MFSD6: variants seen among roughly 807,000 people sequenced by gnomAD.
The protein encoded by MFSD6 is major facilitator superfamily domain-containing protein 6.
MFSD6 carries 26 observed loss-of-function variants against 56.3 expected under a neutral mutation model. The ratio of observed to expected loss-of-function variants is 0.46; its 90% CI spans 0.34 to 0.64. The LOEUF (loss-of-function observed/expected upper bound fraction) is 0.64. Ranked by LOEUF, MFSD6 falls within the 30% of genes least tolerant of loss-of-function variation. The pLI, the probability that MFSD6 is intolerant of heterozygous loss-of-function variation, is 0.01. For synonymous variants in MFSD6, 331 were observed against 366.9 expected, an observed-to-expected ratio of 0.90 and a Z score of 1.12; for missense variants, 750 against 986.2, an observed-to-expected ratio of 0.76 and a Z score of 3.21.
rs569702241 is a variant in MFSD6, at chr2:190,492,551, T to C, written c.1891+2685T>C. Among the ~76,000 whole-genome samples the C allele has an allele frequency of 3.3e-5, 5 of 152,320 alleles. No individual in the cohort carries two copies. The East Asian group carries it at 5.8e-4, about 18-fold the overall frequency. ...AATTAAATAACCTCCTGAATTATCA[T>C]TGGGTCAACAGCAAAATCAATATGG... On this transcript the variant is annotated intron_variant, in intron 6 of 7. Transcript: ENST00000392328. The surrounding 1 kb of genome is among the most constrained non-coding windows in gnomAD (Gnocchi z 5.2).
chr2:190,490,449 G>A lies in MFSD6; in HGVS notation c.1891+583G>A, dbSNP rs547605138. Among the ~76,000 whole-genome samples the A allele has an allele frequency of 7.6e-4, 115 of 151,834 alleles. No individual in the cohort carries two copies. The highest frequency in any genetic ancestry group is 1.4e-3 in the Non-Finnish European group (98 of 67,962). ...ACGGTGGTGGGCGCCTGTAATCCCA[G>A]CTACTCAGGAGGCTGAGGCAGGAGA... On this transcript the variant is annotated intron_variant, in intron 6 of 7. Transcript: ENST00000392328. This position sits in a 1 kb window ranked among gnomAD's most constrained non-coding sequence, Gnocchi z 4.5.
At position 190,431,527 on chromosome 2, in the gene MFSD6, AC is replaced by A. The variant is rs545316073; in HGVS notation, c.-53-4446del. On this transcript the variant is annotated intron_variant, in intron 2 of 7. Transcript: ENST00000392328. This position sits in a 1 kb window ranked among gnomAD's most constrained non-coding sequence, Gnocchi z 4.4. ...AGACTAGCCCGGCCAACACAGCGAA[AC>A]CCCGTCTCCACCAAAAAAATACGAA... Among the ~76,000 whole-genome samples, 24 of 152,232 alleles carry A rather than the reference AC, an allele frequency of 1.6e-4. No homozygotes were observed. The highest frequency in any genetic ancestry group is 3.4e-3 in the Middle Eastern group (1 of 294).
At chr2:190,449,947 T>C (rs905821225) in intron 3 of MFSD6, among the ~76,000 whole-genome samples, 1 of 152,036 alleles carries the variant, frequency 6.6e-6, no homozygotes, top group African/African-American at 2.4e-5. Context: ...CACACCAGCA[T>C]GGCACATGTA....
Position 190,467,545 on chromosome 2 carries a change from G to A in MFSD6, c.1533-2213G>A, listed in dbSNP as rs1170211858. Among the ~76,000 whole-genome samples the A allele has an allele frequency of 2.6e-5, 4 of 152,056 alleles. No homozygotes were observed. The highest frequency in any genetic ancestry group is 4.4e-5 in the Non-Finnish European group (3 of 68,000). ...GGAGAATTGCTTGAACCTGGGAGGCGGAGGTTTCAGTGAGCCGAGATCGTG... is the reference window on the plus strand; with the variant it reads ...GGAGAATTGCTTGAACCTGGGAGGCAGAGGTTTCAGTGAGCCGAGATCGTG... On this transcript the variant is annotated intron_variant, in intron 3 of 7. Transcript: ENST00000392328. This position sits in a 1 kb window ranked among gnomAD's most constrained non-coding sequence, Gnocchi z 5.5.
At position 190,496,802 on chromosome 2, in the gene MFSD6, A is replaced by G. The variant is rs947568462; in HGVS notation, c.1892-637A>G. ...TGGAGACCATATTCTAAGTGAAGCAACTCAAGAATGGAAAACCAAACATCG... is the reference window on the plus strand; with the variant it reads ...TGGAGACCATATTCTAAGTGAAGCAGCTCAAGAATGGAAAACCAAACATCG... On this transcript the variant is annotated intron_variant, in intron 6 of 7. Transcript: ENST00000392328. This position sits in a 1 kb window ranked among gnomAD's most constrained non-coding sequence, Gnocchi z 4.7. Among the ~76,000 whole-genome samples, 1 of 152,220 alleles carries G rather than the reference A, an allele frequency of 6.6e-6. No homozygotes were observed. The highest frequency in any genetic ancestry group is 2.4e-5 in the African/African-American group (1 of 41,460).
chr2:190,429,243 T>C (rs1685882736), intron 2 of MFSD6, among the ~76,000 whole-genome samples: 1 of 151,830 alleles, frequency 6.6e-6, no homozygotes, highest in Admixed American at 6.6e-5. Context: ...TGTGTGTGTG[T>C]GTGTGTATAC....
chr2:190,500,227 T>G lies in MFSD6; in HGVS notation c.*9T>G. On this transcript the variant is annotated 3_prime_UTR_variant, in exon 8 of 8. Transcript: ENST00000392328. This position sits in a 1 kb window ranked among gnomAD's most constrained non-coding sequence, Gnocchi z 5.3. Reference sequence around the variant, plus strand: ...CCGCGGGAGGACACTGAGGGCATCCTGCTCATCTCACACCCTGCATGGAAT... The same window carrying G: ...CCGCGGGAGGACACTGAGGGCATCCGGCTCATCTCACACCCTGCATGGAAT... 1 of 1,613,924 alleles carries G rather than the reference T, an allele frequency of 6.2e-7. No individual in the cohort carries two copies. The highest frequency in any genetic ancestry group is 8.5e-7 in the Non-Finnish European group (1 of 1,179,932).
chr2:190,490,471 G>A lies in MFSD6; in HGVS notation c.1891+605G>A, dbSNP rs1689279113. ...CCAGCTACTCAGGAGGCTGAGGCAG[G>A]AGAATGGCGTGAACCCAGGAGGTGG... is the stretch of plus-strand genomic sequence containing the variant. On this transcript the variant is annotated intron_variant, in intron 6 of 7. Coordinates refer to ENST00000392328, the MANE Select transcript of MFSD6 (RefSeq NM_017694.4). The surrounding 1 kb of genome is among the most constrained non-coding windows in gnomAD (Gnocchi z 4.5). Among the ~76,000 whole-genome samples the A allele has an allele frequency of 6.6e-6, 1 of 151,998 alleles. No individual in the cohort carries two copies. The highest frequency in any genetic ancestry group is 1.5e-5 in the Non-Finnish European group (1 of 68,002).
chr2:190,422,346 G>A (rs796263759), intron 2 of MFSD6, among the ~76,000 whole-genome samples: 6 of 152,222 alleles, frequency 3.9e-5, no homozygotes, highest in African/African-American at 1.2e-4. Flanking sequence ...TGTCATCCCT[G>A]TATTCCTGTT....
intron 4 of MFSD6, among the ~76,000 whole-genome samples, chr2:190,472,985 T>G (rs1382335335): frequency 6.6e-6 from 1 of 152,162 alleles, no homozygotes. Flanking sequence ...CCAGCCAAAC[T>G]AAGCTTTATA....
At chr2:190,455,996 A>G (rs1345219307) in intron 3 of MFSD6, among the ~76,000 whole-genome samples, 1 of 118,858 alleles carries the variant, frequency 8.4e-6, no homozygotes, top group African/African-American at 3.2e-5. Flanking sequence ...GCTGAAGTGC[A>G]GCGGCATGAT....
At position 190,483,283 on chromosome 2, in the gene MFSD6, A is replaced by G. The variant is rs140912604; in HGVS notation, c.1631-5374A>G. 2.0e-3 allele frequency among the ~76,000 whole-genome samples: 312 copies of G among 152,278 alleles called. 1 individual carries two copies. The highest frequency in any genetic ancestry group is 7.1e-3 in the African/African-American group (296 of 41,560). On this transcript the variant is annotated intron_variant, in intron 4 of 7. Coordinates refer to ENST00000392328, the MANE Select transcript of MFSD6 (RefSeq NM_017694.4). ...TAGATAGTTACATTTACTATAGAAT[A>G]CTTCTAACAATTGTTATGAGAACAT...
intron 4 of MFSD6, among the ~76,000 whole-genome samples, chr2:190,484,710 T>C (rs1397553994): frequency 1.3e-5 from 2 of 152,232 alleles, no homozygotes. Flanking sequence ...ACACAGATGA[T>C]GTTCTAATTT....
Position 190,437,330 on chromosome 2 carries a change from A to G in MFSD6, c.1301A>G (p.Asn434Ser), listed in dbSNP as rs1340064741. 4 of 1,614,106 alleles carry G rather than the reference A, an allele frequency of 2.5e-6. No homozygotes were observed. The Admixed American group carries it at 6.7e-5, about 27-fold the overall frequency. Residue 434 changes from asparagine to serine, a missense_variant, in exon 3 of 8, where the codon AAC becomes AGC. Physicochemically the swap from Asn to Ser is conservative, Grantham distance 46. Transcript: ENST00000392328. The surrounding 1 kb of genome is among the most constrained non-coding windows in gnomAD (Gnocchi z 5.9). ...ACCACAAGCCACTCGCAGGCCTTCA[A>G]CTTTTGGGACTTAATCAAGCTGCTC... Reference protein sequence around the residue: ...PTTTSHSQAFNFWDLIKLLCS... With the variant: ...PTTTSHSQAFSFWDLIKLLCS...
rs1559099145 is a variant in MFSD6 at position 190,412,327 on chromosome 2, G to A, written c.-175-2965G>A. 2 of 984,000 alleles carry A rather than the reference G, an allele frequency of 2.0e-6. No homozygotes were observed. Among genetic ancestry groups the A allele is most frequent in the South Asian group, 4.7e-5 (1 of 21,254 alleles). The allele number at this position is 984,000 out of a possible 1,614,324, so 61.0% of individuals were successfully genotyped here. ...AATTGTAAAAGTATTTTACAGAAGA[G>A]ATATTCTCACAATTTTAGGTATTAT... On this transcript the variant is annotated intron_variant, in intron 1 of 7. Transcript: ENST00000392328. The surrounding 1 kb of genome is among the most constrained non-coding windows in gnomAD (Gnocchi z 4.1).
Position 190,489,947 on chromosome 2 carries a change from T to A in MFSD6, c.1891+81T>A. The A allele has an allele frequency of 8.2e-7, 1 of 1,212,498 alleles. No individual in the cohort carries two copies. The highest frequency in any genetic ancestry group is 1.2e-6 in the Non-Finnish European group (1 of 859,348). The allele number at this position is 1,212,498 out of a possible 1,614,324, so 75.1% of individuals were successfully genotyped here. ...ACAAATGCCCCGAGAAGCCTAGAAG[T>A]GGTACAGAGTATACAACAGGTCTGT... On this transcript the variant is annotated intron_variant, in intron 6 of 7. Transcript: ENST00000392328. This position sits in a 1 kb window ranked among gnomAD's most constrained non-coding sequence, Gnocchi z 6.6.
rs1458009794 is a variant in MFSD6, at chr2:190,471,929, C to T, written c.1630+2074C>T. Among the ~76,000 whole-genome samples, 1 of 152,208 alleles carries T rather than the reference C, an allele frequency of 6.6e-6. No homozygotes were observed. Among genetic ancestry groups the T allele is most frequent in the Non-Finnish European group, 1.5e-5 (1 of 68,034 alleles). On this transcript the variant is annotated intron_variant, in intron 4 of 7. Coordinates refer to ENST00000392328, the MANE Select transcript of MFSD6 (RefSeq NM_017694.4). The surrounding 1 kb of genome is among the most constrained non-coding windows in gnomAD (Gnocchi z 4.7). ...CGATCAGGCAGCAATATTTGCTGTT[C>T]ACCAATATCCGCTGTTCTGCAGCTT... is the stretch of plus-strand genomic sequence containing the variant.
At position 190,457,811 on chromosome 2, in the gene MFSD6, G is replaced by C. The variant is rs142603704; in HGVS notation, c.1533-11947G>C. 2.6e-5 allele frequency among the ~76,000 whole-genome samples: 4 copies of C among 152,278 alleles called. No homozygotes were observed. Among genetic ancestry groups the C allele is most frequent in the African/African-American group, 9.6e-5 (4 of 41,546 alleles). On this transcript the variant is annotated intron_variant, in intron 3 of 7. Coordinates refer to ENST00000392328, the MANE Select transcript of MFSD6 (RefSeq NM_017694.4). This position sits in a 1 kb window ranked among gnomAD's most constrained non-coding sequence, Gnocchi z 5.1. ...GAAAGTCCACCTCAACTATGCATGT[G>C]CCCTGGATGCCACCACCTTGGCCAG... is the stretch of plus-strand genomic sequence containing the variant.
intron 1 of MFSD6, among the ~76,000 whole-genome samples, chr2:190,409,378 A>G (rs1438039744): frequency 6.6e-6 from 1 of 152,180 alleles, no homozygotes; most frequent in Non-Finnish European, 1.5e-5. Context: ...AAAAGATTGA[A>G]TAAGCACCTC....
Sources: allele counts gnomAD v4.1 joint callset (sites outside exome capture counted in the v4.1 genomes callset), GRCh38; gene constraint gnomAD v4.1.1; non-coding constraint Gnocchi (gnomAD v3.1); transcripts MANE v1.5; gene names NCBI Gene and HGNC (gene_info 2026-07-23, HGNC 2026-07-21).